OSBP2: variants seen among roughly 807,000 people sequenced by gnomAD.
OSBP2 encodes oxysterol binding protein 2.
A neutral mutation model predicts 96.0 loss-of-function variants in OSBP2; 66 were observed. The observed-to-expected ratio is 0.69, with a 90% CI of 0.56 to 0.84. The LOEUF (loss-of-function observed/expected upper bound fraction) is 0.84, where lower values mean the gene tolerates loss of function less well. Ranked by LOEUF, OSBP2 falls within the 40% of genes least tolerant of loss-of-function variation. The probability of loss-of-function intolerance (pLI) is 0.00; values close to 1 mark genes in which losing one functional copy is unlikely to be tolerated. For missense variants in OSBP2, 1,038 were observed against 1,222.7 expected (o/e 0.85, Z 2.25); for synonymous variants, 525 against 520.9 (o/e 1.01, Z -0.11).
intron 2 of OSBP2, among the ~76,000 whole-genome samples, chr22:30,775,233 A>G (rs1450787312): frequency 6.6e-6 from 1 of 151,898 alleles, no homozygotes; most frequent in East Asian, 1.9e-4. Context: ...CCACTAATCT[A>G]CTTTCCCCAC....
At chr22:30,856,446 G>C (rs1014301508) in intron 2 of OSBP2, among the ~76,000 whole-genome samples, 2 of 144,130 alleles carry the variant, frequency 1.4e-5, no homozygotes, top group Non-Finnish European at 3.0e-5. Context: ...GAGTGCAGTG[G>C]CATGATGTCA....
chr22:30,742,245 A>T (rs1212543388), intron 2 of OSBP2, among the ~76,000 whole-genome samples: 7 of 151,900 alleles, frequency 4.6e-5, no homozygotes, highest in Non-Finnish European at 7.4e-5. Context: ...AGCCTAGCCA[A>T]CATGGTGAAA....
chr22:30,723,570 C>T (rs1029759741), intron 1 of OSBP2, among the ~76,000 whole-genome samples: 2 of 150,954 alleles, frequency 1.3e-5, no homozygotes, highest in African/African-American at 2.4e-5. Flanking sequence ...TGTGCCACCA[C>T]GCCCAGATAA....
chr22:30,713,462 T>TTATTTATG (rs2089392712), intron 1 of OSBP2, among the ~76,000 whole-genome samples: 1 of 21,146 alleles, frequency 4.7e-5, no homozygotes, highest in African/African-American at 1.2e-4. Flanking sequence ...TTTTAAAATG[T>TTATTTATG]TATTTATTTA....
At chr22:30,892,032 C>T (rs537351952) in intron 8 of OSBP2, among the ~76,000 whole-genome samples, 20 of 152,066 alleles carry the variant, frequency 1.3e-4, no homozygotes, top group Admixed American at 3.9e-4. Context: ...CGGTGCACCC[C>T]GGGTGGGGCC....
chr22:30,726,427 CA>C (rs2089651582), intron 1 of OSBP2, among the ~76,000 whole-genome samples: 1 of 151,958 alleles, frequency 6.6e-6, no homozygotes, highest in Admixed American at 6.6e-5. Flanking sequence ...GGGAGCTGAA[CA>C]GTGAGAACAC....
intron 2 of OSBP2, among the ~76,000 whole-genome samples, chr22:30,840,046 T>C (rs2038715503): frequency 6.6e-6 from 1 of 150,944 alleles, no homozygotes; most frequent in African/African-American, 2.4e-5. Context: ...GGATCCAGTT[T>C]CAGCTTTCTT....
chr22:30,758,387 C>T (rs545593655), intron 2 of OSBP2, among the ~76,000 whole-genome samples: 4 of 152,102 alleles, frequency 2.6e-5, no homozygotes, highest in South Asian at 2.1e-4. Flanking sequence ...GGTGACAGAG[C>T]GAGACTCTGT....
At chr22:30,758,022 A>G (rs1331225999) in intron 2 of OSBP2, among the ~76,000 whole-genome samples, 1 of 152,204 alleles carries the variant, frequency 6.6e-6, no homozygotes, top group Non-Finnish European at 1.5e-5. Context: ...GAGTCTGGAC[A>G]GCAAGAGTGA....
rs560057547 is a variant in OSBP2 at position 30,871,833 on chromosome 22, G to C, written c.1107+1151G>C. On this transcript the variant is annotated intron_variant, in intron 3 of 13. Transcript: ENST00000332585. This position sits in a 1 kb window ranked among gnomAD's most constrained non-coding sequence, Gnocchi z 4.7. ...GGCATCCAAGACCTGCCCCAAGCCGGCTTCACTGGCCTGTTGGCAGCATGA... is the reference window on the plus strand; with the variant it reads ...GGCATCCAAGACCTGCCCCAAGCCGCCTTCACTGGCCTGTTGGCAGCATGA... Among the ~76,000 whole-genome samples the C allele has an allele frequency of 2.0e-5, 3 of 152,380 alleles. No homozygotes were observed. The South Asian group carries it at 6.2e-4, about 32-fold the overall frequency.
intron 12 of OSBP2, among the ~76,000 whole-genome samples, chr22:30,903,204 C>G (rs1348266844): frequency 6.6e-6 from 1 of 152,180 alleles, no homozygotes; most frequent in Non-Finnish European, 1.5e-5. Flanking sequence ...TTCACTTCCT[C>G]AGTGTTTCTC....
chr22:30,851,300 C>T (rs2038974141), intron 2 of OSBP2, among the ~76,000 whole-genome samples: 1 of 152,068 alleles, frequency 6.6e-6, no homozygotes, highest in African/African-American at 2.4e-5. Flanking sequence ...AAGCCCTGAC[C>T]TCAGATAATC....
At chr22:30,775,857 G>A (rs1286030136) in intron 2 of OSBP2, among the ~76,000 whole-genome samples, 4 of 151,452 alleles carry the variant, frequency 2.6e-5, no homozygotes, top group African/African-American at 7.3e-5. Flanking sequence ...GTTCAGTGGC[G>A]CCATCTCTGC....
At position 30,881,697 on chromosome 22, in the gene OSBP2, C is replaced by G. The variant is rs1190753324; in HGVS notation, c.1108-5729C>G. 1 of 1,303,976 alleles carries G rather than the reference C, an allele frequency of 7.7e-7. No homozygotes were observed. The highest frequency in any genetic ancestry group is 1.0e-6 in the Non-Finnish European group (1 of 988,918). 80.8% of individuals were successfully genotyped at this position (1,303,976 alleles called of 1,614,324 possible). On this transcript the variant is annotated intron_variant, in intron 3 of 13. Coordinates refer to ENST00000332585, the MANE Select transcript of OSBP2 (RefSeq NM_030758.4). This position sits in a 1 kb window ranked among gnomAD's most constrained non-coding sequence, Gnocchi z 4.5. Reference sequence around the variant, plus strand: ...GCCCAGCTCAGCATTCTGAGAACAGCAGGGCCACGCCAGGCGCCTGCCTCT... The same window carrying G: ...GCCCAGCTCAGCATTCTGAGAACAGGAGGGCCACGCCAGGCGCCTGCCTCT...
At chr22:30,773,670 C>T (rs951950295) in intron 2 of OSBP2, among the ~76,000 whole-genome samples, 3 of 151,752 alleles carry the variant, frequency 2.0e-5, no homozygotes, top group Admixed American at 6.6e-5. Context: ...GAGAAGTGGG[C>T]GCTGGTGCTC....
chr22:30,749,796 C>G (rs147794931), intron 2 of OSBP2, among the ~76,000 whole-genome samples: 1 of 151,982 alleles, frequency 6.6e-6, no homozygotes, highest in Non-Finnish European at 1.5e-5. Context: ...TTAGTAGAGA[C>G]GAGGTTTTGC....
At chr22:30,757,638 A>G (rs1324200654) in intron 2 of OSBP2, among the ~76,000 whole-genome samples, 3 of 151,848 alleles carry the variant, frequency 2.0e-5, no homozygotes, top group Admixed American at 6.6e-5. Flanking sequence ...GGCTGGTCTC[A>G]AACTCCTGAC....
At chr22:30,884,789 G>A (rs866394007) in intron 3 of OSBP2, among the ~76,000 whole-genome samples, 15 of 152,172 alleles carry the variant, frequency 9.9e-5, no homozygotes, top group Admixed American at 3.9e-4. Context: ...GGACACCCCC[G>A]TCTCGCTCCC....
chr22:30,808,232 A>C (rs1440294147), intron 2 of OSBP2, among the ~76,000 whole-genome samples: 1 of 152,174 alleles, frequency 6.6e-6, no homozygotes, highest in East Asian at 1.9e-4. Context: ...CGGGCATGGT[A>C]GCTCACACCT....
Sources: gnomAD v4.1 joint callset for allele counts (sites outside exome capture counted in the v4.1 genomes callset) on GRCh38, gnomAD v4.1.1 for gene constraint, Gnocchi (gnomAD v3.1) non-coding constraint, MANE v1.5 for transcripts, NCBI Gene and HGNC (gene_info 2026-07-23, HGNC 2026-07-21) for gene names.